The following TMEM132D variants were observed in gnomAD, a reference collection of about 807,000 sequenced individuals.
The protein encoded by TMEM132D is transmembrane protein 132D.
Under a neutral mutation model 62.3 loss-of-function variants are expected in TMEM132D, and 21 were observed. That is an observed-to-expected ratio of 0.34 (90% CI 0.24 to 0.49). The LOEUF is 0.49. Among genes scored for constraint, TMEM132D ranks in the 20% least tolerant of loss-of-function variants. The pLI is 0.99. For synonymous variants in TMEM132D, 621 were observed against 575.6 expected, an observed-to-expected ratio of 1.08 and a Z score of -1.13; for missense variants, 1,346 against 1,402.8, an observed-to-expected ratio of 0.96 and a Z score of 0.65.
intron 3 of TMEM132D, among the ~76,000 whole-genome samples, chr12:129,411,929 G>T (rs1358099815): frequency 6.6e-6 from 1 of 152,210 alleles, no homozygotes; most frequent in Non-Finnish European, 1.5e-5. Flanking sequence ...GGCCGGGTAA[G>T]ATGTGAATAG....
intron 5 of TMEM132D, among the ~76,000 whole-genome samples, chr12:129,141,855 A>C (rs1046336004): frequency 2.2e-4 from 34 of 152,052 alleles, no homozygotes; most frequent in African/African-American, 7.5e-4. Flanking sequence ...TTCGTACCCT[A>C]AACCTCAGTA....
intron 1 of TMEM132D, among the ~76,000 whole-genome samples, chr12:129,858,871 G>A (rs1378635303): frequency 5.9e-5 from 7 of 118,312 alleles, no homozygotes; most frequent in East Asian, 2.4e-4. Context: ...GAGTCCGGGG[G>A]AACGGGATGG....
intron 1 of TMEM132D, among the ~76,000 whole-genome samples, chr12:129,722,673 G>C (rs1243131481): frequency 6.6e-6 from 1 of 151,898 alleles, no homozygotes; most frequent in East Asian, 1.9e-4. Context: ...TCATGGTCCT[G>C]CTGGAGAACC....
chr12:129,628,433 G>GGTGTCTGTATCAGGGAC (rs1879275777), intron 2 of TMEM132D, among the ~76,000 whole-genome samples: 1 of 152,292 alleles, frequency 6.6e-6, no homozygotes, highest in East Asian at 1.9e-4. Context: ...CAGGGGCGGA[G>GGTGTCTGTATCAGGGAC]GTGTCTGTAT....
At chr12:129,624,595 G>A (rs540755750) in intron 2 of TMEM132D, among the ~76,000 whole-genome samples, 1 of 152,340 alleles carries the variant, frequency 6.6e-6, no homozygotes, top group African/African-American at 2.4e-5. Flanking sequence ...GTCAGCCCAC[G>A]CCAATGAGGA....
chr12:129,802,076 A>C (rs953334410), intron 1 of TMEM132D, among the ~76,000 whole-genome samples: 1 of 149,582 alleles, frequency 6.7e-6, no homozygotes, highest in African/African-American at 2.5e-5. Flanking sequence ...TGTACCTGAA[A>C]GTGATGGGGA....
chr12:129,467,232 G>T (rs906787086), intron 3 of TMEM132D, among the ~76,000 whole-genome samples: 10 of 152,086 alleles, frequency 6.6e-5, no homozygotes, highest in African/African-American at 2.4e-4. Context: ...AAATTCAAAG[G>T]GTGGGTCTGG....
At chr12:129,089,796 C>T (rs1874845815) in intron 5 of TMEM132D, among the ~76,000 whole-genome samples, 1 of 152,208 alleles carries the variant, frequency 6.6e-6, no homozygotes, top group South Asian at 2.1e-4. Flanking sequence ...GAACCAGAGC[C>T]CGGAGATAGA....
chr12:129,500,860 C>T (rs943881462), intron 3 of TMEM132D, among the ~76,000 whole-genome samples: 1 of 152,160 alleles, frequency 6.6e-6, no homozygotes, highest in African/African-American at 2.4e-5. Flanking sequence ...TTTGTAGGTA[C>T]CTGATAAACC....
chr12:129,776,788 C>CAAAAAAAA (rs148740560), intron 1 of TMEM132D, among the ~76,000 whole-genome samples: 2 of 68,458 alleles, frequency 2.9e-5, no homozygotes, highest in African/African-American at 8.6e-5. Flanking sequence ...TAATGGGCTT[C>CAAAAAAAA]AAAAAAAAAA....
At chr12:129,568,366 G>A (rs1385616982) in intron 2 of TMEM132D, among the ~76,000 whole-genome samples, 6 of 152,166 alleles carry the variant, frequency 3.9e-5, no homozygotes, top group South Asian at 2.1e-4. Flanking sequence ...ACTGACAAAC[G>A]CAATTCCCTG....
At chr12:129,251,848 G>A (rs4436610) in intron 4 of TMEM132D, among the ~76,000 whole-genome samples, 2 of 151,998 alleles carry the variant, frequency 1.3e-5, no homozygotes, top group South Asian at 4.2e-4. Flanking sequence ...TAGTTGGACC[G>A]TGGATGCAGT....
chr12:129,780,855 T>C (rs546953427), intron 1 of TMEM132D, among the ~76,000 whole-genome samples: 6 of 152,180 alleles, frequency 3.9e-5, no homozygotes, highest in Non-Finnish European at 8.8e-5. Context: ...TTAATAACCA[T>C]GTTTCTGGGG....
chr12:129,903,349 C>A lies in TMEM132D; in HGVS notation c.-10G>T. ...TCTCAGACGGGCACATCCTGGAGAC[C>A]CGGAGCGCAGATCCTCCGCTCCCCG... is the stretch of plus-strand genomic sequence containing the variant. On this transcript the variant is annotated 5_prime_UTR_variant, in exon 1 of 9. Transcript: ENST00000422113. This position sits in a 1 kb window ranked among gnomAD's most constrained non-coding sequence, Gnocchi z 6.2. The A allele has an allele frequency of 6.4e-7, 1 of 1,551,612 alleles. No homozygotes were observed. Among genetic ancestry groups the A allele is most frequent in the Non-Finnish European group, 8.7e-7 (1 of 1,147,052 alleles).
chr12:129,177,294 G>A (rs562916381), intron 5 of TMEM132D, among the ~76,000 whole-genome samples: 20 of 152,186 alleles, frequency 1.3e-4, no homozygotes, highest in East Asian at 3.9e-4. Flanking sequence ...GGGCTATGTC[G>A]TCAATAAAAC....
At chr12:129,609,253 C>G (rs1407474999) in intron 2 of TMEM132D, among the ~76,000 whole-genome samples, 1 of 152,012 alleles carries the variant, frequency 6.6e-6, no homozygotes, top group Non-Finnish European at 1.5e-5. Context: ...CCAAGTTGTT[C>G]ACTTTTCATA....
At chr12:129,163,339 G>A (rs761320050) in intron 5 of TMEM132D, among the ~76,000 whole-genome samples, 2 of 152,202 alleles carry the variant, frequency 1.3e-5, no homozygotes, top group African/African-American at 2.4e-5. Flanking sequence ...TGAGTTAAAT[G>A]AGTTCTGGGA....
At chr12:129,340,406 T>C (rs575902802) in intron 3 of TMEM132D, among the ~76,000 whole-genome samples, 38 of 152,252 alleles carry the variant, frequency 2.5e-4, no homozygotes, top group African/African-American at 8.9e-4. Context: ...GTGCTGCACC[T>C]ATTAACTCGT....
chr12:129,373,360 C>G (rs537968591), intron 3 of TMEM132D, among the ~76,000 whole-genome samples: 12 of 152,256 alleles, frequency 7.9e-5, no homozygotes, highest in Non-Finnish European at 1.6e-4. Flanking sequence ...AAGCCAGGCG[C>G]GGTGGCTCAC....
Sources: allele counts gnomAD v4.1 joint callset (sites outside exome capture counted in the v4.1 genomes callset), GRCh38; gene constraint gnomAD v4.1.1; non-coding constraint Gnocchi (gnomAD v3.1); transcripts MANE v1.5; gene names NCBI Gene and HGNC (gene_info 2026-07-23, HGNC 2026-07-21).